Variants in JCAD observed in about 807,000 individuals in gnomAD.
JCAD encodes the protein junctional cadherin 5 associated.
In JCAD, 40 loss-of-function variants were observed where a neutral mutation model predicts 98.0. That is an observed-to-expected ratio of 0.41 (90% CI 0.32 to 0.53). The LOEUF (loss-of-function observed/expected upper bound fraction) is 0.53. Among genes scored for constraint, JCAD ranks in the 20% least tolerant of loss-of-function variants. The probability of loss-of-function intolerance (pLI) is 0.31; values close to 1 mark genes in which losing one functional copy is unlikely to be tolerated. For missense variants in JCAD, 1,705 were observed against 1,738.1 expected (o/e 0.98, Z 0.34); for synonymous variants, 691 against 682.3 (o/e 1.01, Z -0.20).
At chr10:30,076,366 C>A (rs1441005094) in intron 1 of JCAD, among the ~76,000 whole-genome samples, 1 of 152,158 alleles carries the variant, frequency 6.6e-6, no homozygotes, top group Non-Finnish European at 1.5e-5. Context: ...GTACAGAAAT[C>A]TGACAGTTAT....
Position 30,029,824 on chromosome 10 carries a change from C to G in JCAD, c.324G>C (p.Pro108=). ...TCCGGTAGGCTTGGTCGTTACCAGT[C>G]GGGGGATGAGAGGACCATGCTGAGG... ...QPPSAWSSHP[P]TGNDQAYRRR... The change falls in exon 3 of 4, where the codon CCG becomes CCC. Residue 108 remains proline, a synonymous_variant. Coordinates refer to ENST00000375377, the MANE Select transcript of JCAD (RefSeq NM_020848.4). 1 of 1,614,116 alleles carries G rather than the reference C, an allele frequency of 6.2e-7. No homozygotes were observed. The highest frequency in any genetic ancestry group is 8.5e-7 in the Non-Finnish European group (1 of 1,180,032).
intron 1 of JCAD, among the ~76,000 whole-genome samples, chr10:30,085,665 G>T (rs1030363786): frequency 2.6e-5 from 4 of 152,186 alleles, no homozygotes; most frequent in African/African-American, 9.6e-5. Flanking sequence ...CATGTGTAGG[G>T]GTGGGCAGTG....
chr10:30,082,878 C>A (rs10826761), intron 1 of JCAD, among the ~76,000 whole-genome samples: 28,156 of 84,200 alleles, frequency 0.33, 3,597 homozygotes, highest in East Asian at 0.45. Context: ...AAAAAAAAAA[C>A]AAAAAATTAG....
chr10:30,047,532 C>A lies in JCAD; in HGVS notation c.281G>T (p.Gly94Val), dbSNP rs1019611842. Residue 94 changes from glycine to valine, a missense_variant and splice_region_variant, in exon 2 of 4, where the codon GGG becomes GTG. Gly to Val is a moderately radical substitution (Grantham distance 109). Around this residue, in one of 3 missense-constraint regions of JCAD, gnomAD observed 152 missense variants for 148.0 expected, o/e 1.03. Coordinates refer to ENST00000375377, the MANE Select transcript of JCAD (RefSeq NM_020848.4). Reference sequence around the variant, plus strand: ...ACGGTGGGTTCACAGTGAAACTTACCCCGCCTCCGAGGTTCTGGAAGCAGA... The same window carrying A: ...ACGGTGGGTTCACAGTGAAACTTACACCGCCTCCGAGGTTCTGGAAGCAGA... ...STSASRTSEA[G>V]FCNQPPSAWS... is the part of the protein sequence containing the mutation. 3 of 1,610,042 alleles carry A rather than the reference C, an allele frequency of 1.9e-6. No individual in the cohort carries two copies. Among genetic ancestry groups the A allele is most frequent in the Non-Finnish European group, 2.5e-6 (3 of 1,178,524 alleles).
intron 2 of JCAD, among the ~76,000 whole-genome samples, chr10:30,038,349 C>T (rs574065812): frequency 1.3e-5 from 2 of 151,926 alleles, no homozygotes. Context: ...TGCAAGGGGG[C>T]GCCTCATTGA....
intron 2 of JCAD, among the ~76,000 whole-genome samples, chr10:30,042,884 G>A (rs113622617): frequency 2.0e-5 from 3 of 152,144 alleles, no homozygotes; most frequent in Admixed American, 6.5e-5. Context: ...GGGCAAGGAG[G>A]GCCCCTGAGC....
chr10:30,064,864 G>T (rs376448401), intron 2 of JCAD, among the ~76,000 whole-genome samples: 3 of 152,090 alleles, frequency 2.0e-5, no homozygotes, highest in African/African-American at 7.2e-5. Context: ...TAAAGACGGG[G>T]TTTCACCATG....
intron 1 of JCAD, among the ~76,000 whole-genome samples, chr10:30,101,431 G>C (rs773806603): frequency 2.0e-5 from 3 of 152,140 alleles, no homozygotes; most frequent in Non-Finnish European, 4.4e-5. Context: ...TGTTTTATTA[G>C]TAATTCCAAA....
Position 30,016,171 on chromosome 10 carries a change from T to C in JCAD, c.*1712A>G, listed in dbSNP as rs1272238001. 1.3e-5 allele frequency: 2 copies of C among 152,156 alleles called. No homozygotes were observed. Among genetic ancestry groups the C allele is most frequent in the Admixed American group, 1.3e-4 (2 of 15,276 alleles). The allele number at this position is 152,156 out of a possible 1,614,324, so 9.4% of individuals were successfully genotyped here. A position where few individuals can be genotyped will look rare whatever the true frequency, so the allele number is the denominator to read the frequency against. On this transcript the variant is annotated 3_prime_UTR_variant, in exon 4 of 4. Coordinates refer to ENST00000375377, the MANE Select transcript of JCAD (RefSeq NM_020848.4). ...ATGAAATAAAATCATACGGTACAGA[T>C]GAGAACAGGCCGGGACAGCCCGGCC...
chr10:30,047,241 A>T (rs1026942025), intron 2 of JCAD, among the ~76,000 whole-genome samples: 2 of 152,160 alleles, frequency 1.3e-5, no homozygotes, highest in Non-Finnish European at 2.9e-5. Context: ...GTGTGGTGGC[A>T]CATGCCTGTA....
chr10:30,096,781 T>G (rs1249750934), intron 1 of JCAD, among the ~76,000 whole-genome samples: 2 of 152,172 alleles, frequency 1.3e-5, no homozygotes, highest in Non-Finnish European at 2.9e-5. Flanking sequence ...TGACTTGTAT[T>G]CTATTTGGAG....
chr10:30,064,257 T>C (rs1157778177), upstream of JCAD, among the ~76,000 whole-genome samples: 1 of 152,024 alleles, frequency 6.6e-6, no homozygotes, highest in Non-Finnish European at 1.5e-5. Flanking sequence ...AAGAGAGACA[T>C]GAGCTAGCAT....
At chr10:30,087,213 C>T (rs1021005926) in intron 1 of JCAD, among the ~76,000 whole-genome samples, 5 of 152,122 alleles carry the variant, frequency 3.3e-5, no homozygotes, top group Non-Finnish European at 5.9e-5. Context: ...GAGGCCGAGG[C>T]GGGCGGATCA....
chr10:30,031,684 C>T (rs1317904380), intron 2 of JCAD, among the ~76,000 whole-genome samples: 8 of 151,692 alleles, frequency 5.3e-5, no homozygotes, highest in African/African-American at 1.2e-4. Context: ...TCAAGTCTTC[C>T]GCCCACCTCG....
chr10:30,083,053 A>G (rs1177033353), intron 1 of JCAD, among the ~76,000 whole-genome samples: 1 of 151,350 alleles, frequency 6.6e-6, no homozygotes, highest in Non-Finnish European at 1.5e-5. Flanking sequence ...CAAACAGAAA[A>G]ACAGAAACAA....
upstream of JCAD, among the ~76,000 whole-genome samples, chr10:30,060,929 C>A (rs531691275): frequency 1.3e-5 from 2 of 152,240 alleles, no homozygotes; most frequent in Non-Finnish European, 2.9e-5. Flanking sequence ...TCTAACACAG[C>A]ATAAAAGCTA....
chr10:30,024,848 G>A (rs1183352488), intron 3 of JCAD, among the ~76,000 whole-genome samples: 7 of 151,892 alleles, frequency 4.6e-5, no homozygotes, highest in African/African-American at 1.2e-4. Context: ...GGCGCCCGCC[G>A]CCACGCCCAG....
intron 1 of JCAD, among the ~76,000 whole-genome samples, chr10:30,058,799 GC>G: frequency 6.6e-6 from 1 of 152,288 alleles, no homozygotes; most frequent in East Asian, 1.9e-4. Flanking sequence ...CCTAGGCGGG[GC>G]TCCTGCCCTT....
intron 2 of JCAD, among the ~76,000 whole-genome samples, chr10:30,046,206 A>C (rs1450102085): frequency 6.6e-6 from 1 of 152,152 alleles, no homozygotes; most frequent in Non-Finnish European, 1.5e-5. Context: ...AGGCAAACAC[A>C]GTGTTAGGAA....
Sources: gnomAD v4.1 joint callset for allele counts (sites outside exome capture counted in the v4.1 genomes callset) on GRCh38, gnomAD v4.1.1 for gene constraint, gnomAD v4.1.1 regional missense constraint, MANE v1.5 for transcripts, NCBI Gene and HGNC (gene_info 2026-07-23, HGNC 2026-07-21) for gene names.